The following DNAH14 variants were observed in gnomAD, a reference collection of about 807,000 sequenced individuals.
DNAH14 encodes the protein dynein axonemal heavy chain 14, also known as axonemal beta dynein heavy chain 14.
DNAH14 carries 478 observed loss-of-function variants against 520.9 expected under a neutral mutation model. The ratio of observed to expected loss-of-function variants is 0.92; its 90% CI spans 0.85 to 0.99. The LOEUF (loss-of-function observed/expected upper bound fraction) is 0.99, where lower values mean the gene tolerates loss of function less well. DNAH14 is among the 50% of genes least tolerant of loss of function. The pLI is 0.00. For synonymous variants in DNAH14, 1,581 were observed against 1,757.2 expected, an observed-to-expected ratio of 0.90 and a Z score of 2.51; for missense variants, 4,831 against 5,234.5, an observed-to-expected ratio of 0.92 and a Z score of 2.38.
At chr1:225,214,405 G>C (rs904274718) in intron 41 of DNAH14, among the ~76,000 whole-genome samples, 13 of 152,270 alleles carry the variant, frequency 8.5e-5, no homozygotes, top group Admixed American at 2.6e-4. Flanking sequence ...TTTGGTATCA[G>C]GATGATGCTG....
chr1:224,956,297 T>C (rs2060505600), intron 3 of DNAH14, among the ~76,000 whole-genome samples: 1 of 152,128 alleles, frequency 6.6e-6, no homozygotes, highest in African/African-American at 2.4e-5. Flanking sequence ...AGTAATAATA[T>C]ATAGTCATGT....
chr1:225,128,710 G>A (rs1239623494), intron 27 of DNAH14, among the ~76,000 whole-genome samples: 42 of 152,000 alleles, frequency 2.8e-4, no homozygotes, highest in Admixed American at 1.7e-3. Flanking sequence ...AGCCAATATC[G>A]TACTGAATGG....
At chr1:225,348,701 T>C (rs558394917) in intron 71 of DNAH14, among the ~76,000 whole-genome samples, 59 of 152,198 alleles carry the variant, frequency 3.9e-4, no homozygotes, top group Non-Finnish European at 7.2e-4. Context: ...CCACTAGAAC[T>C]GCTCTACAAG....
intron 31 of DNAH14, among the ~76,000 whole-genome samples, 157 bp downstream of exon 31, chr1:225,147,406 T>C (rs1019323628): frequency 1.3e-5 from 2 of 152,152 alleles, no homozygotes; most frequent in African/African-American, 2.4e-5. Context: ...TTACCTTGAA[T>C]GTTTCCATTA....
intron 35 of DNAH14, among the ~76,000 whole-genome samples, chr1:225,162,186 A>G (rs1314388372): frequency 6.6e-6 from 1 of 152,146 alleles, no homozygotes; most frequent in Non-Finnish European, 1.5e-5. Flanking sequence ...ATTTTTATGT[A>G]TGACAAGAGA....
chr1:224,982,532 C>T (rs771750431), intron 8 of DNAH14, among the ~76,000 whole-genome samples: 28 of 152,126 alleles, frequency 1.8e-4, no homozygotes, highest in Non-Finnish European at 3.1e-4. Context: ...GAGGCGTGAC[C>T]TTAGACGGTC....
At chr1:224,970,514 T>C (rs563099560) in intron 7 of DNAH14, among the ~76,000 whole-genome samples, 157 of 152,202 alleles carry the variant, frequency 1.0e-3, no homozygotes, top group African/African-American at 3.5e-3. Flanking sequence ...AAATCACTAA[T>C]AAAAACTTGC....
In DNAH14 at chr1:224,963,973, A is replaced by T. The variant is rs1572090901; in HGVS notation, c.368-506A>T. 2.0e-5 allele frequency among the ~76,000 whole-genome samples: 3 copies of T among 152,180 alleles called. No homozygotes were observed. In the East Asian group the frequency reaches 5.8e-4, roughly 29 times the overall value. ...TATCAAGAAAGGAAGTTTAAGGGCCAGGAGGACAACCTGTATTGCATGGTA... is the reference window on the plus strand; with the variant it reads ...TATCAAGAAAGGAAGTTTAAGGGCCTGGAGGACAACCTGTATTGCATGGTA... On this transcript the variant is annotated intron_variant, in intron 4 of 85. Coordinates refer to ENST00000682510, the MANE Select transcript of DNAH14 (RefSeq NM_001367479.1).
intron 35 of DNAH14, among the ~76,000 whole-genome samples, chr1:225,167,290 G>GA (rs550849189): frequency 3.3e-5 from 5 of 152,144 alleles, no homozygotes; most frequent in Non-Finnish European, 7.4e-5. Context: ...AGATCTGTGA[G>GA]AAAGAAAAGA....
chr1:225,050,456 G>GA (rs1359016700), intron 16 of DNAH14, 80 bp downstream of exon 16: 1 of 1,382,374 alleles, frequency 7.2e-7, no homozygotes, highest in Non-Finnish European at 9.7e-7. Context: ...TGAATTTATT[G>GA]AAAAATTAGG....
chr1:225,149,756 G>C (rs555780082), intron 31 of DNAH14, among the ~76,000 whole-genome samples: 1 of 152,170 alleles, frequency 6.6e-6, no homozygotes, highest in East Asian at 1.9e-4. Context: ...TGATTTTTGT[G>C]CATTGATTTT....
rs1256609402 is a variant in DNAH14, at chr1:225,351,733, G to T, written c.11383G>T (p.Glu3795Ter). The T allele has an allele frequency of 1.9e-6, 3 of 1,551,266 alleles. No homozygotes were observed. Among genetic ancestry groups the T allele is most frequent in the Non-Finnish European group, 2.6e-6 (3 of 1,146,742 alleles). Residue 3795 changes from glutamate to a stop codon, truncating the protein, a stop_gained, in exon 72 of 86, where the codon GAA becomes TAA. Transcript: ENST00000682510. LOFTEE classifies it high-confidence loss of function. ...GTGCCAATATGTCAGCACTCACCTG[G>T]AACCATTTTCACTTCTGTGCAAATC... ...RQCQYVSTHL[E>*]PFSLLCKSLL...
intron 75 of DNAH14, among the ~76,000 whole-genome samples, chr1:225,363,114 T>C (rs756960994): frequency 6.6e-6 from 1 of 152,148 alleles, no homozygotes; most frequent in African/African-American, 2.4e-5. Context: ...AACTCCCTTA[T>C]ACCCTTCATC....
chr1:225,389,627 C>A, intron 82 of DNAH14, 107 bp from the exon 83 acceptor site: 2 of 1,297,370 alleles, frequency 1.5e-6, no homozygotes, highest in Non-Finnish European at 2.1e-6. Context: ...TTGGGGGAAT[C>A]GAAATGAAAA....
chr1:225,102,524 C>T (rs930890659), intron 23 of DNAH14, among the ~76,000 whole-genome samples: 6 of 152,254 alleles, frequency 3.9e-5, no homozygotes, highest in African/African-American at 1.4e-4. Context: ...AAAAGTGTTC[C>T]TATTTCTCCA....
intron 76 of DNAH14, among the ~76,000 whole-genome samples, chr1:225,365,289 C>T (rs1032841126): frequency 6.6e-6 from 1 of 152,194 alleles, no homozygotes; most frequent in African/African-American, 2.4e-5. Flanking sequence ...AAAAAGTCCT[C>T]ATTAAAGATT....
chr1:225,324,480 A>G, intron 63 of DNAH14, 127 bp downstream of exon 63: 1 of 1,259,800 alleles, frequency 7.9e-7, no homozygotes, highest in Non-Finnish European at 1.1e-6. Flanking sequence ...AAACACTTTA[A>G]TCAAATGTTA....
intron 69 of DNAH14, among the ~76,000 whole-genome samples, chr1:225,342,177 GT>G (rs2095198833): frequency 6.6e-6 from 1 of 152,016 alleles, no homozygotes; most frequent in Admixed American, 6.6e-5. Flanking sequence ...TTAAAAGCTA[GT>G]TTTTTTAAAA....
chr1:225,176,514 A>G (rs1262230179), intron 36 of DNAH14, among the ~76,000 whole-genome samples: 3 of 152,296 alleles, frequency 2.0e-5, no homozygotes, highest in Non-Finnish European at 2.9e-5. Flanking sequence ...TATATGAGTT[A>G]TCCATTGATG....
Sources: gnomAD v4.1 joint callset for allele counts (sites outside exome capture counted in the v4.1 genomes callset) on GRCh38, gnomAD v4.1.1 for gene constraint, MANE v1.5 for transcripts, NCBI Gene and HGNC (gene_info 2026-07-23, HGNC 2026-07-21) for gene names.